Variants in SLC26A7 observed in about 807,000 individuals in gnomAD.
The protein encoded by SLC26A7 is solute carrier family 26 member 7, also known as anion exchange transporter.
A neutral mutation model predicts 82.5 loss-of-function variants in SLC26A7; 59 were observed. The ratio of observed to expected loss-of-function variants is 0.72; its 90% CI spans 0.58 to 0.89. The LOEUF is 0.89. Among genes scored for constraint, SLC26A7 ranks in the 40% least tolerant of loss-of-function variants. The pLI is 0.00. For synonymous variants in SLC26A7, 271 were observed against 274.3 expected (o/e 0.99, Z 0.12); for missense variants, 820 against 793.0 (o/e 1.03, Z -0.41).
At position 91,211,621 on chromosome 8, in the gene SLC26A7, T is replaced by A. The variant is rs1037403190; in HGVS notation, c.-150+2079T>A. ...ATATATATATATATATATATATTTT[T>A]TTTTTATTTTTTTTGCTTGGAAGCC... On this transcript the variant is annotated intron_variant, in intron 1 of 5. Coordinates refer to the SLC26A7 transcript ENST00000522862. Among the ~76,000 whole-genome samples the A allele has an allele frequency of 1.7e-4, 25 of 144,984 alleles. No homozygotes were observed. The South Asian group carries it at 1.9e-3, about 11-fold the overall frequency.
intron 2 of SLC26A7, among the ~76,000 whole-genome samples, chr8:91,240,728 G>C (rs1810462374): frequency 6.6e-6 from 1 of 152,092 alleles, no homozygotes; most frequent in South Asian, 2.1e-4. Context: ...TTCAGTTGTG[G>C]AATGAAAACT....
chr8:91,330,148 T>A (rs1586417569), intron 5 of SLC26A7, among the ~76,000 whole-genome samples: 1 of 152,258 alleles, frequency 6.6e-6, no homozygotes, highest in Middle Eastern at 3.4e-3. Flanking sequence ...GTTCTTTTGT[T>A]ATTGTCATTT....
intron 4 of SLC26A7, among the ~76,000 whole-genome samples, chr8:91,317,700 A>G (rs930084282): frequency 6.6e-6 from 1 of 152,130 alleles, no homozygotes; most frequent in Admixed American, 6.6e-5. Flanking sequence ...ACTGGGTATA[A>G]AGTAGTGAAT....
intron 2 of SLC26A7, among the ~76,000 whole-genome samples, chr8:91,243,916 T>A (rs141451192): frequency 4.2e-4 from 64 of 152,170 alleles, no homozygotes; most frequent in African/African-American, 1.4e-3. Context: ...TATAAAGACA[T>A]AAATAAAAGT....
intron 2 of SLC26A7, among the ~76,000 whole-genome samples, chr8:91,225,497 G>A (rs1436234111): frequency 6.6e-6 from 1 of 151,394 alleles, no homozygotes; most frequent in Non-Finnish European, 1.5e-5. Flanking sequence ...CAGCCTTCTA[G>A]TCAATTTTGA....
intron 2 of SLC26A7, among the ~76,000 whole-genome samples, chr8:91,226,567 T>C (rs1810242426): frequency 6.6e-6 from 1 of 152,258 alleles, no homozygotes; most frequent in African/African-American, 2.4e-5. Flanking sequence ...ACTTATTAGA[T>C]AAATATTAAT....
chr8:91,356,247 A>G (rs1813865262), intron 11 of SLC26A7, among the ~76,000 whole-genome samples: 1 of 152,232 alleles, frequency 6.6e-6, no homozygotes, highest in African/African-American at 2.4e-5. Flanking sequence ...TATACCCAGT[A>G]ATGGGATGGC....
chr8:91,308,280 T>A (rs1448528191), intron 4 of SLC26A7, among the ~76,000 whole-genome samples: 1 of 150,830 alleles, frequency 6.6e-6, no homozygotes, highest in Non-Finnish European at 1.5e-5. Flanking sequence ...TGTGTGTGTG[T>A]CTACATATAA....
At chr8:91,241,875 C>G (rs1810478510) in intron 2 of SLC26A7, among the ~76,000 whole-genome samples, 1 of 152,120 alleles carries the variant, frequency 6.6e-6, no homozygotes, top group South Asian at 2.1e-4. Context: ...TAGGAATGAT[C>G]TTTTGGTACT....
At chr8:91,264,993 A>G (rs1811071645) in intron 2 of SLC26A7, among the ~76,000 whole-genome samples, 1 of 151,794 alleles carries the variant, frequency 6.6e-6, no homozygotes, top group Non-Finnish European at 1.5e-5. Flanking sequence ...TTATTCTCCT[A>G]TCTAACTGTA....
At chr8:91,309,237 A>G (rs959279211) in intron 4 of SLC26A7, among the ~76,000 whole-genome samples, 1 of 151,544 alleles carries the variant, frequency 6.6e-6, no homozygotes, top group Non-Finnish European at 1.5e-5. Flanking sequence ...TCATAATAAA[A>G]TATACGTTAT....
chr8:91,334,418 A>G lies in SLC26A7; in HGVS notation c.766A>G (p.Lys256Glu), dbSNP rs775647004. 4.3e-6 allele frequency: 7 copies of G among 1,612,834 alleles called. No homozygotes were observed. The Admixed American group carries it at 1.2e-4, about 27-fold the overall frequency. ...GAATGAACAGTTTAAAAGGAAAATT[A>G]AAGTTGTTCTTCCTGTAGATTTAGT... ...ELNEQFKRKI[K>E]VVLPVDLVLI... is the part of the protein sequence containing the mutation. Residue 256 changes from lysine to glutamate, a missense_variant, in exon 6 of 19, where the codon AAA becomes GAA. By Grantham distance (56) the Lys-to-Glu change is moderately conservative. Coordinates refer to ENST00000276609, the MANE Select transcript of SLC26A7 (RefSeq NM_052832.4).
At chr8:91,364,962 G>C (rs1183251213) in intron 13 of SLC26A7, among the ~76,000 whole-genome samples, 1 of 152,112 alleles carries the variant, frequency 6.6e-6, no homozygotes, top group Non-Finnish European at 1.5e-5. Context: ...GATAAAGCAA[G>C]ATTTGAATAT....
At chr8:91,316,988 T>TAAAAAAAAAAAA (rs61581659) in intron 4 of SLC26A7, among the ~76,000 whole-genome samples, 2 of 15,540 alleles carry the variant, frequency 1.3e-4, no homozygotes, top group Non-Finnish European at 2.9e-4. Flanking sequence ...ACCCTGTCTC[T>TAAAAAAAAAAAA]AAAAAAAAAA....
chr8:91,373,906 C>T (rs1369504472), intron 15 of SLC26A7, among the ~76,000 whole-genome samples: 4 of 151,656 alleles, frequency 2.6e-5, no homozygotes, highest in Non-Finnish European at 4.4e-5. Context: ...TCTCATAATT[C>T]TTTATTGGTC....
chr8:91,256,775 GT>G (rs1810815818), intron 2 of SLC26A7, among the ~76,000 whole-genome samples: 1 of 152,086 alleles, frequency 6.6e-6, no homozygotes, highest in Non-Finnish European at 1.5e-5. Context: ...GTATAAATGT[GT>G]TACATAAATT....
chr8:91,311,596 C>T (rs11776886), intron 4 of SLC26A7, among the ~76,000 whole-genome samples: 80,187 of 151,996 alleles, frequency 0.53, 24,288 homozygotes, highest in South Asian at 0.68. Context: ...CATTTGTAAA[C>T]CAAGTAGTAT....
intron 16 of SLC26A7, among the ~76,000 whole-genome samples, chr8:91,391,034 A>G (rs1814952600): frequency 6.6e-6 from 1 of 152,240 alleles, no homozygotes; most frequent in Non-Finnish European, 1.5e-5. Flanking sequence ...GATTCAGATC[A>G]GAATCCTTGA....
At chr8:91,286,232 G>A (rs1394003672) in intron 2 of SLC26A7, among the ~76,000 whole-genome samples, 2 of 152,144 alleles carry the variant, frequency 1.3e-5, no homozygotes, top group Non-Finnish European at 2.9e-5. Context: ...GGTGGCAAAT[G>A]TTCAGTTTCA....
Sources: allele counts gnomAD v4.1 joint callset (sites outside exome capture counted in the v4.1 genomes callset), GRCh38; gene constraint gnomAD v4.1.1; transcripts MANE v1.5; gene names NCBI Gene and HGNC (gene_info 2026-07-23, HGNC 2026-07-21).